Variants in AGBL4 observed in about 807,000 individuals in gnomAD.
AGBL4 encodes AGBL carboxypeptidase 4.
AGBL4 carries 58 observed loss-of-function variants against 66.4 expected under a neutral mutation model. The observed-to-expected ratio is 0.87, with a 90% confidence interval of 0.71 to 1.09. AGBL4 has a LOEUF of 1.09. Ranked by LOEUF, AGBL4 falls within the 50% of genes least tolerant of loss-of-function variation. AGBL4 has a pLI of 0.00. For synonymous variants in AGBL4, 234 were observed against 222.9 expected, an observed-to-expected ratio of 1.05 and a Z score of -0.44; for missense variants, 579 against 631.0, an observed-to-expected ratio of 0.92 and a Z score of 0.88.
chr1:49,201,176 A>G (rs1248498463), intron 4 of AGBL4, among the ~76,000 whole-genome samples: 1 of 152,172 alleles, frequency 6.6e-6, no homozygotes, highest in Non-Finnish European at 1.5e-5. Flanking sequence ...TCACTTTTGA[A>G]CCTTTATCCC....
At chr1:48,583,280 A>G (rs1005931647) in intron 11 of AGBL4, among the ~76,000 whole-genome samples, 5 of 152,232 alleles carry the variant, frequency 3.3e-5, no homozygotes, top group African/African-American at 7.2e-5. Context: ...TCACATTCAC[A>G]TAAACCTTTT....
intron 10 of AGBL4, among the ~76,000 whole-genome samples, chr1:48,589,707 A>G (rs535318852): frequency 7.4e-4 from 113 of 152,352 alleles, no homozygotes; most frequent in Non-Finnish European, 1.0e-3. Context: ...TTTTATATCA[A>G]AAACTGCATT....
chr1:49,796,724 G>T (rs145657178), intron 2 of AGBL4, among the ~76,000 whole-genome samples: 2 of 151,660 alleles, frequency 1.3e-5, no homozygotes, highest in East Asian at 3.9e-4. Flanking sequence ...CTAGGTGGTA[G>T]AATTATGATT....
intron 3 of AGBL4, among the ~76,000 whole-genome samples, chr1:49,403,400 T>C (rs1645129034): frequency 6.6e-6 from 1 of 152,202 alleles, no homozygotes; most frequent in African/African-American, 2.4e-5. Context: ...AATAGATCAT[T>C]GGGTCTTTTT....
intron 3 of AGBL4, among the ~76,000 whole-genome samples, chr1:49,340,179 G>A (rs1016848251): frequency 4.8e-5 from 7 of 144,632 alleles, no homozygotes; most frequent in African/African-American, 1.8e-4. Flanking sequence ...ACCATTCTAA[G>A]CCTGGCTAGA....
intron 11 of AGBL4, among the ~76,000 whole-genome samples, chr1:48,545,058 T>C (rs1337886930): frequency 6.6e-6 from 1 of 152,180 alleles, no homozygotes; most frequent in Non-Finnish European, 1.5e-5. Context: ...CTGCACCTAG[T>C]TGATGAATAA....
At chr1:49,335,336 A>G (rs561467419) in intron 3 of AGBL4, among the ~76,000 whole-genome samples, 7 of 152,170 alleles carry the variant, frequency 4.6e-5, no homozygotes, top group South Asian at 4.1e-4. Flanking sequence ...CCAAGCTACC[A>G]TTTCTCATCT....
chr1:49,479,703 C>CTTTTTTTTT (rs1351125149), intron 3 of AGBL4, among the ~76,000 whole-genome samples: 3 of 136,886 alleles, frequency 2.2e-5, no homozygotes, highest in Non-Finnish European at 3.2e-5. Context: ...TTCTTTTTTT[C>CTTTTTTTTT]TTTTTTTTTT....
chr1:48,525,581 T>G, the AGBL4 span, among the ~76,000 whole-genome samples: 2 of 152,230 alleles, frequency 1.3e-5, no homozygotes, highest in African/African-American at 4.8e-5. Flanking sequence ...CTTTTTCTTT[T>G]ATTTTCTGCT....
chr1:48,556,133 A>G (rs938234131), intron 11 of AGBL4, among the ~76,000 whole-genome samples: 1 of 152,168 alleles, frequency 6.6e-6, no homozygotes, highest in Non-Finnish European at 1.5e-5. Flanking sequence ...ATTTTCTTGT[A>G]TCTAATGCTC....
At chr1:49,203,898 G>T (rs1647923522) in intron 4 of AGBL4, among the ~76,000 whole-genome samples, 1 of 152,136 alleles carries the variant, frequency 6.6e-6, no homozygotes. Flanking sequence ...ATACTATATT[G>T]TACACTTAAA....
At chr1:48,958,717 G>T (rs2148936839) in intron 5 of AGBL4, among the ~76,000 whole-genome samples, 1 of 152,342 alleles carries the variant, frequency 6.6e-6, no homozygotes, top group Middle Eastern at 3.4e-3. Flanking sequence ...GGTGCCCTAA[G>T]CTTAGACCAC....
intron 3 of AGBL4, among the ~76,000 whole-genome samples, chr1:49,554,344 T>A (rs1422822863): frequency 2.0e-5 from 3 of 152,186 alleles, no homozygotes; most frequent in African/African-American, 7.2e-5. Context: ...GAGTCTGAGT[T>A]TCTCAGGAAG....
intron 2 of AGBL4, among the ~76,000 whole-genome samples, chr1:49,772,706 A>C (rs1644096885): frequency 6.6e-6 from 1 of 152,178 alleles, no homozygotes; most frequent in African/African-American, 2.4e-5. Context: ...GTTTCTGCTG[A>C]GAACTCTGCT....
intron 3 of AGBL4, among the ~76,000 whole-genome samples, chr1:49,368,996 A>C (rs748486918): frequency 6.6e-6 from 1 of 151,938 alleles, no homozygotes; most frequent in Non-Finnish European, 1.5e-5. Flanking sequence ...AATCGCTTGA[A>C]CCTGGTGGGG....
intron 6 of AGBL4, among the ~76,000 whole-genome samples, chr1:48,669,994 T>A (rs1221612342): frequency 2.0e-5 from 3 of 152,126 alleles, no homozygotes; most frequent in African/African-American, 7.2e-5. Context: ...GGGTTAGGGA[T>A]CAAATGTTCT....
chr1:49,097,174 C>T (rs1423265328), intron 4 of AGBL4, among the ~76,000 whole-genome samples: 1 of 152,046 alleles, frequency 6.6e-6, no homozygotes, highest in African/African-American at 2.4e-5. Context: ...TCCTGTATAC[C>T]CAACAGAACT....
chr1:49,334,447 G>T (rs1481418542), intron 3 of AGBL4, among the ~76,000 whole-genome samples: 1 of 152,162 alleles, frequency 6.6e-6, no homozygotes, highest in Non-Finnish European at 1.5e-5. Flanking sequence ...CATGAAAGGT[G>T]CCAAAAATAT....
chr1:49,503,994 T>C (rs931007569), intron 3 of AGBL4, among the ~76,000 whole-genome samples: 2 of 152,110 alleles, frequency 1.3e-5, no homozygotes, highest in African/African-American at 4.8e-5. Flanking sequence ...CAAAATGATA[T>C]GATTTGTCTG....
Sources: allele counts gnomAD v4.1 joint callset (sites outside exome capture counted in the v4.1 genomes callset), GRCh38; gene constraint gnomAD v4.1.1; transcripts MANE v1.5; gene names NCBI Gene and HGNC (gene_info 2026-07-23, HGNC 2026-07-21).